The following TSC2 variants were observed in gnomAD, a reference collection of about 807,000 sequenced individuals.
The protein encoded by TSC2 is tuberin.
TSC2 carries 29 observed loss-of-function variants against 202.2 expected under a neutral mutation model. The ratio of observed to expected loss-of-function variants is 0.14; its 90% CI spans 0.11 to 0.20. TSC2 has a LOEUF of 0.20. Ranked by LOEUF, TSC2 falls within the 10% of genes least tolerant of loss-of-function variation. The pLI, the probability that TSC2 is intolerant of heterozygous loss-of-function variation, is 1.00. For synonymous variants in TSC2, 1,349 were observed against 1,044.0 expected, an observed-to-expected ratio of 1.29 and a Z score of -5.63; for missense variants, 2,429 against 2,420.0, an observed-to-expected ratio of 1.00 and a Z score of -0.08.
rs765322549 is a variant in TSC2, at chr16:2,071,630, C to T, written c.1946+14C>T. ...CTGCGACTACATGTACGCGGGACCT[C>T]GCCCACGGCCCATGAGGCTCAGGGC... On this transcript the variant is annotated intron_variant, in intron 18 of 41. Coordinates refer to ENST00000219476, the MANE Select transcript of TSC2 (RefSeq NM_000548.5). 5.0e-6 allele frequency: 8 copies of T among 1,613,038 alleles called. No homozygotes were observed. The Admixed American group carries it at 5.0e-5, about 10-fold the overall frequency.
Position 2,084,219 on chromosome 16 carries a change from C to G in TSC2, c.4006-9C>G, listed in dbSNP as rs1555513765. 1 of 1,574,734 alleles carries G rather than the reference C, an allele frequency of 6.4e-7. No individual in the cohort carries two copies. The highest frequency in any genetic ancestry group is 8.6e-7 in the Non-Finnish European group (1 of 1,159,140). On this transcript the variant is annotated splice_polypyrimidine_tract_variant and intron_variant, in intron 33 of 41. Coordinates refer to ENST00000219476, the MANE Select transcript of TSC2 (RefSeq NM_000548.5). The stretch of plus-strand genomic sequence containing the variant: ...TGACAGGGGTTCTCTTTGGGATGGT[C>G]CTTTCTAGTCGTCCTCAGTCTCCAG...
intron 30 of TSC2, 148 bp downstream of exon 30, chr16:2,080,525 C>A: frequency 1.1e-6 from 1 of 929,640 alleles, no homozygotes; most frequent in Non-Finnish European, 1.6e-6. Context: ...GCTCTGTGGC[C>A]CACGCTGGAA....
intron 36 of TSC2, among the ~76,000 whole-genome samples, chr16:2,085,781 C>G (rs1173753599): frequency 6.6e-6 from 1 of 152,230 alleles, no homozygotes; most frequent in East Asian, 1.9e-4. Flanking sequence ...CACCTTCATC[C>G]CAAGGGAAAG....
chr16:2,060,658 C>T lies in TSC2; in HGVS notation c.976-12C>T, dbSNP rs760262673. 5 of 1,613,982 alleles carry T rather than the reference C, an allele frequency of 3.1e-6. No individual in the cohort carries two copies. On this transcript the variant is annotated splice_polypyrimidine_tract_variant and intron_variant, in intron 10 of 41. Coordinates refer to ENST00000219476, the MANE Select transcript of TSC2 (RefSeq NM_000548.5). Reference sequence around the variant, plus strand: ...GCTCTGACCCTGTGTGCTGGCCGGGCTCGTGTTCCAGGCCATGGCATGTCC... The same window carrying T: ...GCTCTGACCCTGTGTGCTGGCCGGGTTCGTGTTCCAGGCCATGGCATGTCC...
intron 7 of TSC2, 103 bp downstream of exon 7, chr16:2,056,347 C>A: frequency 6.7e-7 from 1 of 1,493,616 alleles, no homozygotes; most frequent in Non-Finnish European, 9.2e-7. Context: ...CTGTGTAGCC[C>A]TGGGCAAGCT....
At position 2,081,740 on chromosome 16, in the gene TSC2, A is replaced by T. The variant is rs1228112359; in HGVS notation, c.3756A>T (p.Ser1252=). 2 of 1,612,776 alleles carry T rather than the reference A, an allele frequency of 1.2e-6. No homozygotes were observed. The highest frequency in any genetic ancestry group is 1.7e-6 in the Non-Finnish European group (2 of 1,180,014). The change falls in exon 31 of 42, where the codon TCA becomes TCT. Residue 1252 remains serine, a synonymous_variant. Transcript: ENST00000219476. ...KEHRDTALYK[S]LSVPAASTAK... ...ACCGGGACACAGCCCTGTACAAGTC[A>T]CTGTCGGTGCCGGCAGCCAGCACGG... is the stretch of plus-strand genomic sequence containing the variant.
rs45517180 is a variant in TSC2 at position 2,064,421 on chromosome 16, C to T, written c.1593C>T (p.Ile531=). 825 of 1,613,510 alleles carry T rather than the reference C, an allele frequency of 5.1e-4. 6 individuals carry two copies. The East Asian group carries it at 0.015, about 29-fold the overall frequency. ...ACTTCAACAGCCTGCTGGACATCAT[C>T]GAGAAGGTGAGAGCCGTTGTACCCG... The part of the protein sequence containing the change: ...THHFNSLLDI[I]EKVMARSLSP... Residue 531 remains isoleucine, a synonymous_variant, in exon 15 of 42, where the codon ATC becomes ATT. Coordinates refer to ENST00000219476, the MANE Select transcript of TSC2 (RefSeq NM_000548.5).
chr16:2,060,586 T>C, intron 10 of TSC2, 84 bp from the exon 11 acceptor site: 1 of 1,608,446 alleles, frequency 6.2e-7, no homozygotes, highest in Non-Finnish European at 8.5e-7. Flanking sequence ...GGCGTGCTAC[T>C]CTCGGTCCCA....
At chr16:2,062,147 G>A in intron 12 of TSC2, 139 bp downstream of exon 12, 1 of 1,289,640 alleles carries the variant, frequency 7.8e-7, no homozygotes. Flanking sequence ...CACTCGGCAG[G>A]GAAGGCTGGC....
intron 36 of TSC2, 43 bp downstream of exon 36, chr16:2,085,365 TG>T: frequency 6.2e-7 from 1 of 1,606,006 alleles, no homozygotes; most frequent in Non-Finnish European, 8.5e-7. Context: ...CAGGGCCAGC[TG>T]GGCCTCAGCC....
rs876660419 is a variant in TSC2 at position 2,077,593 on chromosome 16, G to C, written c.2838-5G>C. The C allele has an allele frequency of 1.9e-6, 3 of 1,612,824 alleles. No homozygotes were observed. Among genetic ancestry groups the C allele is most frequent in the Middle Eastern group, 1.7e-4 (1 of 6,012 alleles). ...GGGCGTTGGGGCTCCTTCCTCACCC[G>C]ATAGTCTGAGGATAGCCAGACCCCC... On this transcript the variant is annotated splice_polypyrimidine_tract_variant and splice_region_variant and intron_variant, in intron 25 of 41. Transcript: ENST00000219476.
At chr16:2,083,162 C>G (rs1315629258) in intron 32 of TSC2, 1 of 457,228 alleles carries the variant, frequency 2.2e-6, no homozygotes, top group Non-Finnish European at 4.4e-6. Flanking sequence ...TCCTCTCCCC[C>G]TGTCCTGACG....
intron 17 of TSC2, among the ~76,000 whole-genome samples, chr16:2,071,192 T>TC (rs893325482): frequency 6.6e-6 from 1 of 152,226 alleles, no homozygotes; most frequent in African/African-American, 2.4e-5. Flanking sequence ...AGCTCCGCTT[T>TC]CTGGCAGTTG....
At position 2,064,025 on chromosome 16, in the gene TSC2, C is replaced by T. The variant is rs538560282; in HGVS notation, c.1444-247C>T. The T allele has an allele frequency of 1.8e-4, 104 of 581,420 alleles. 1 individual carries two copies. Among genetic ancestry groups the T allele is most frequent in the Middle Eastern group, 9.6e-4 (2 of 2,092 alleles). 36.0% of individuals were successfully genotyped at this position (581,420 alleles called of 1,614,324 possible). A position where few individuals can be genotyped will look rare whatever the true frequency, so the allele number is the denominator to read the frequency against. On this transcript the variant is annotated intron_variant, in intron 14 of 41. Coordinates refer to ENST00000219476, the MANE Select transcript of TSC2 (RefSeq NM_000548.5). ...GCTGCTCCTTGTGAGTTGTGGGCCCCGTGTCTGTGCCCGGCCGCCCTGCGG... is the reference window on the plus strand; with the variant it reads ...GCTGCTCCTTGTGAGTTGTGGGCCCTGTGTCTGTGCCCGGCCGCCCTGCGG...
chr16:2,077,012 C>G (rs1379981089), intron 25 of TSC2, among the ~76,000 whole-genome samples: 1 of 152,238 alleles, frequency 6.6e-6, no homozygotes, highest in African/African-American at 2.4e-5. Context: ...ACGGCTTTCT[C>G]CTCCTGTCCC....
Position 2,084,718 on chromosome 16 carries a change from G to A in TSC2, c.4493+3G>A, listed in dbSNP as rs1259786285. On this transcript the variant is annotated splice_donor_region_variant and intron_variant, in intron 34 of 41. Coordinates refer to ENST00000219476, the MANE Select transcript of TSC2 (RefSeq NM_000548.5). ...AAAGTGCCAGGCATCAACCCCAGGT[G>A]GGCCTCTTGCTTCCGGGCGGGGCTC... 6.9e-6 allele frequency: 11 copies of A among 1,598,460 alleles called. No individual in the cohort carries two copies. Among genetic ancestry groups the A allele is most frequent in the Non-Finnish European group, 9.3e-6 (11 of 1,179,852 alleles).
In TSC2 at chr16:2,061,859, C is replaced by T. The variant is rs773688581; in HGVS notation, c.1120-12C>T. 6.2e-7 allele frequency: 1 copy of T among 1,614,086 alleles called. No individual in the cohort carries two copies. Among genetic ancestry groups the T allele is most frequent in the East Asian group, 2.2e-5 (1 of 44,878 alleles). ...TGGAAGTCAGCCTGTGTCATCGTGC[C>T]TGGTACTGCAGACCTTGGACAGCCC... is the stretch of plus-strand genomic sequence containing the variant. On this transcript the variant is annotated splice_polypyrimidine_tract_variant and intron_variant, in intron 11 of 41. Transcript: ENST00000219476.
chr16:2,083,594 T>C, intron 32 of TSC2, 101 bp from the exon 33 acceptor site: 1 of 1,536,190 alleles, frequency 6.5e-7, no homozygotes, highest in Non-Finnish European at 8.8e-7. Flanking sequence ...CTCGCAGGGC[T>C]GCTGTCCCTC....
At chr16:2,061,152 C>T (rs1308878148) in intron 11 of TSC2, 13 of 399,176 alleles carry the variant, frequency 3.3e-5, no homozygotes, top group South Asian at 6.6e-5. Flanking sequence ...GTGTGGCTTC[C>T]GCATGACTTT....
Sources: gnomAD v4.1 joint callset for allele counts (sites outside exome capture counted in the v4.1 genomes callset) on GRCh38, gnomAD v4.1.1 for gene constraint, MANE v1.5 for transcripts, NCBI Gene and HGNC (gene_info 2026-07-23, HGNC 2026-07-21) for gene names.